PITPNC1: variants seen among roughly 807,000 people sequenced by gnomAD.
PITPNC1 encodes the protein cytoplasmic phosphatidylinositol transfer protein 1.
Under a neutral mutation model 44.7 loss-of-function variants are expected in PITPNC1, and 18 were observed. The ratio of observed to expected loss-of-function variants is 0.40; its 90% CI spans 0.28 to 0.60. PITPNC1 has a LOEUF of 0.60. Among genes scored for constraint, PITPNC1 ranks in the 20% least tolerant of loss-of-function variants. The probability of loss-of-function intolerance (pLI) is 0.39; values close to 1 mark genes in which losing one functional copy is unlikely to be tolerated. For synonymous variants in PITPNC1, 141 were observed against 149.6 expected (o/e 0.94, Z 0.42); for missense variants, 290 against 418.4 (o/e 0.69, Z 2.68).
intron 1 of PITPNC1, among the ~76,000 whole-genome samples, chr17:67,401,378 G>T (rs1318337635): frequency 6.6e-6 from 1 of 152,094 alleles, no homozygotes; most frequent in Non-Finnish European, 1.5e-5. Flanking sequence ...CATCGCTTGG[G>T]TGTGGGCTCT....
intron 5 of PITPNC1, among the ~76,000 whole-genome samples, chr17:67,621,431 C>T (rs2041829101): frequency 6.6e-6 from 1 of 152,090 alleles, no homozygotes; most frequent in Non-Finnish European, 1.5e-5. Flanking sequence ...TGGTCTCAAA[C>T]TCCTGACCTC....
rs1170199200 is a variant in PITPNC1 at position 67,693,739 on chromosome 17, T to C, written c.*851T>C. The C allele has an allele frequency of 6.6e-6, 1 of 152,236 alleles. No homozygotes were observed. Among genetic ancestry groups the C allele is most frequent in the Non-Finnish European group, 1.5e-5 (1 of 68,038 alleles). The allele number at this position is 152,236 out of a possible 1,614,324, so 9.4% of individuals were successfully genotyped here. The stretch of plus-strand genomic sequence containing the variant: ...TTCTCAGAATTTGCAATTAATTGAA[T>C]AGAATTCATTTACTATCTGCCCACT... On this transcript the variant is annotated 3_prime_UTR_variant, in exon 9 of 9. Transcript: ENST00000581322.
At position 67,532,881 on chromosome 17, in the gene PITPNC1, A is replaced by G; in HGVS notation, c.128A>G (p.Gln43Arg). ...CGGGGAGAAGGGGTGGAGGTCGTCC[A>G]GAATGAGCCCTTTGAGGACCCTCAC... ...SDRGEGVEVVQNEPFEDPHHG... is the reference protein window; with the variant it reads ...SDRGEGVEVVRNEPFEDPHHG... Residue 43 changes from glutamine to arginine, a missense_variant, in exon 2 of 9, where the codon CAG becomes CGG. Transcript: ENST00000581322. 9 of 1,608,272 alleles carry G rather than the reference A, an allele frequency of 5.6e-6. No individual in the cohort carries two copies. The highest frequency in any genetic ancestry group is 7.6e-6 in the Non-Finnish European group (9 of 1,177,592).
chr17:67,399,233 T>C (rs2038271108), intron 1 of PITPNC1, among the ~76,000 whole-genome samples: 1 of 152,094 alleles, frequency 6.6e-6, no homozygotes, highest in South Asian at 2.1e-4. Flanking sequence ...CAGGCTGGTC[T>C]CGAACTCCTG....
chr17:67,608,972 A>G (rs1191334187), intron 5 of PITPNC1, among the ~76,000 whole-genome samples: 2 of 151,972 alleles, frequency 1.3e-5, no homozygotes, highest in Non-Finnish European at 2.9e-5. Context: ...GTGGACTTTC[A>G]GAATATCCTT....
chr17:67,470,574 G>A (rs1334246264), intron 1 of PITPNC1, among the ~76,000 whole-genome samples: 2 of 136,124 alleles, frequency 1.5e-5, no homozygotes, highest in Non-Finnish European at 3.4e-5. Flanking sequence ...CCGGGAGGGA[G>A]GTGGGGGGGG....
intron 1 of PITPNC1, among the ~76,000 whole-genome samples, chr17:67,474,846 G>A (rs1433424617): frequency 6.6e-6 from 1 of 151,742 alleles, no homozygotes; most frequent in Non-Finnish European, 1.5e-5. Flanking sequence ...TGAAGAGGGG[G>A]ACTCACTGTG....
intron 4 of PITPNC1, among the ~76,000 whole-genome samples, chr17:67,576,264 G>A (rs1046143516): frequency 6.6e-6 from 1 of 152,058 alleles, no homozygotes; most frequent in Non-Finnish European, 1.5e-5. Flanking sequence ...GAAGAGTATG[G>A]ACACTGAGAC....
At chr17:67,532,980 G>A (rs780675975) in intron 2 of PITPNC1, 30 bp downstream of exon 2, 1 of 1,582,208 alleles carries the variant, frequency 6.3e-7, no homozygotes, top group Non-Finnish European at 8.6e-7. Flanking sequence ...GTTCTGCACA[G>A]AAGCCCCCTC....
Position 67,430,141 on chromosome 17 carries a change from C to T in PITPNC1, c.48+51939C>T, listed in dbSNP as rs187549493. Reference sequence around the variant, plus strand: ...AAAGGGTTTAAGACAGTTCTGAATGCGCAGGAGTTTATAGATGGTAACGTC... The same window carrying T: ...AAAGGGTTTAAGACAGTTCTGAATGTGCAGGAGTTTATAGATGGTAACGTC... On this transcript the variant is annotated intron_variant, in intron 1 of 8. Transcript: ENST00000581322. Among the ~76,000 whole-genome samples, 70 of 152,300 alleles carry T rather than the reference C, an allele frequency of 4.6e-4. No individual in the cohort carries two copies. The East Asian group carries it at 0.01, about 23-fold the overall frequency.
At chr17:67,486,793 T>A (rs147117970) in intron 1 of PITPNC1, among the ~76,000 whole-genome samples, 55 of 152,260 alleles carry the variant, frequency 3.6e-4, no homozygotes, top group African/African-American at 1.3e-3. Flanking sequence ...TCAGGGTGTC[T>A]CCTGGAGTCC....
chr17:67,690,190 A>G (rs1369584445), intron 8 of PITPNC1, among the ~76,000 whole-genome samples: 2 of 151,986 alleles, frequency 1.3e-5, no homozygotes, highest in Admixed American at 6.5e-5. Flanking sequence ...GCTCATGCCT[A>G]TAATCCCAGC....
chr17:67,595,170 C>T lies in PITPNC1; in HGVS notation c.366+16913C>T, dbSNP rs1419194713. On this transcript the variant is annotated intron_variant, in intron 5 of 8. Coordinates refer to ENST00000581322, the MANE Select transcript of PITPNC1 (RefSeq NM_012417.4). Reference sequence around the variant, plus strand: ...TCAGTACTGAATAGTGTTTGCATATCAAATGTGAACACTGAACTGAATTCT... The same window carrying T: ...TCAGTACTGAATAGTGTTTGCATATTAAATGTGAACACTGAACTGAATTCT... Among the ~76,000 whole-genome samples, 3 of 152,138 alleles carry T rather than the reference C, an allele frequency of 2.0e-5. No homozygotes were observed. In the East Asian group the frequency reaches 5.8e-4, roughly 29 times the overall value.
At chr17:67,630,603 G>A (rs991394006) in intron 5 of PITPNC1, among the ~76,000 whole-genome samples, 5 of 151,810 alleles carry the variant, frequency 3.3e-5, no homozygotes, top group African/African-American at 7.3e-5. Context: ...TTGAGACTCC[G>A]TCTCAAAAAA....
intron 2 of PITPNC1, 145 bp from the exon 3 acceptor site, chr17:67,552,112 C>T (rs769258603): frequency 6.4e-6 from 4 of 621,710 alleles, no homozygotes; most frequent in African/African-American, 5.5e-5. Context: ...TGACAAAGAC[C>T]GAAGAGATGG....
intron 4 of PITPNC1, among the ~76,000 whole-genome samples, chr17:67,575,827 C>T (rs59752896): frequency 0.018 from 1,255 of 70,560 alleles, 21 homozygotes; most frequent in African/African-American, 0.058. Flanking sequence ...TCTTTCCTTC[C>T]TTCCTTCCTT....
intron 1 of PITPNC1, among the ~76,000 whole-genome samples, chr17:67,396,071 A>G (rs1420594750): frequency 6.6e-6 from 1 of 152,210 alleles, no homozygotes; most frequent in Non-Finnish European, 1.5e-5. Context: ...AGCATGACTT[A>G]TAGTACTGCA....
At chr17:67,585,454 G>A (rs892547027) in intron 5 of PITPNC1, among the ~76,000 whole-genome samples, 5 of 152,136 alleles carry the variant, frequency 3.3e-5, no homozygotes, top group African/African-American at 1.2e-4. Flanking sequence ...CCATTAGAGT[G>A]GGTCCTAATC....
chr17:67,633,241 G>T (rs149433868), intron 6 of PITPNC1, among the ~76,000 whole-genome samples: 12 of 152,236 alleles, frequency 7.9e-5, no homozygotes, highest in Non-Finnish European at 1.8e-4. Context: ...CCCCAGACTC[G>T]TCCTTGAGCC....
Sources: gnomAD v4.1 joint callset for allele counts (sites outside exome capture counted in the v4.1 genomes callset) on GRCh38, gnomAD v4.1.1 for gene constraint, MANE v1.5 for transcripts, NCBI Gene and HGNC (gene_info 2026-07-23, HGNC 2026-07-21) for gene names.